EIF4G3: variants seen among roughly 807,000 people sequenced by gnomAD.
EIF4G3 encodes the protein eIF-4-gamma 3.
A neutral mutation model predicts 186.4 loss-of-function variants in EIF4G3; 34 were observed. The ratio of observed to expected loss-of-function variants is 0.18; its 90% CI spans 0.14 to 0.24. The LOEUF (loss-of-function observed/expected upper bound fraction) is 0.24. Among genes scored for constraint, EIF4G3 ranks in the 10% least tolerant of loss-of-function variants. EIF4G3 has a pLI of 1.00. For missense variants in EIF4G3, 1,536 were observed against 1,948.5 expected (o/e 0.79, Z 3.99); for synonymous variants, 673 against 679.5 (o/e 0.99, Z 0.15).
intron 2 of EIF4G3, among the ~76,000 whole-genome samples, chr1:21,129,466 A>T (rs558284241): frequency 2.0e-5 from 3 of 152,260 alleles, no homozygotes; most frequent in African/African-American, 7.2e-5. Context: ...CCACATGAGC[A>T]AGACCTTTAC....
intron 10 of EIF4G3, among the ~76,000 whole-genome samples, chr1:20,979,988 T>C (rs1334494023): frequency 1.3e-5 from 2 of 152,116 alleles, no homozygotes; most frequent in African/African-American, 4.8e-5. Flanking sequence ...CTCGCCCGCC[T>C]CGGCCTCCTA....
intron 6 of EIF4G3, 132 bp downstream of exon 6, chr1:21,001,067 G>A: frequency 2.6e-6 from 1 of 391,650 alleles, no homozygotes; most frequent in Non-Finnish European, 5.3e-6. Context: ...AAACTGCCAT[G>A]CTAGGTTAGA....
At chr1:20,850,120 G>A (rs912280717) in intron 28 of EIF4G3, among the ~76,000 whole-genome samples, 1 of 152,056 alleles carries the variant, frequency 6.6e-6, no homozygotes, top group Non-Finnish European at 1.5e-5. Context: ...TTCCTTCATA[G>A]CACCTTTCTC....
chr1:21,019,752 C>T (rs2090199745), intron 4 of EIF4G3, among the ~76,000 whole-genome samples: 1 of 152,072 alleles, frequency 6.6e-6, no homozygotes, highest in South Asian at 2.1e-4. Context: ...GGCGTGGTGG[C>T]ACATGCCTGT....
chr1:20,845,049 C>T (rs1006199239), intron 29 of EIF4G3, among the ~76,000 whole-genome samples: 3 of 152,002 alleles, frequency 2.0e-5, no homozygotes, highest in Admixed American at 6.6e-5. Flanking sequence ...TTTGCCTGTG[C>T]CTATGTCCTG....
intron 3 of EIF4G3, among the ~76,000 whole-genome samples, chr1:21,080,594 C>T (rs1477798989): frequency 6.6e-6 from 1 of 152,146 alleles, no homozygotes; most frequent in Non-Finnish European, 1.5e-5. Flanking sequence ...ACCGCAACCT[C>T]TGCCTCCGGG....
At chr1:20,926,586 G>C (rs1333597397) in intron 14 of EIF4G3, among the ~76,000 whole-genome samples, 1 of 151,614 alleles carries the variant, frequency 6.6e-6, no homozygotes, top group Non-Finnish European at 1.5e-5. Context: ...TGGGAAGACT[G>C]AGACCAGGAG....
intron 3 of EIF4G3, among the ~76,000 whole-genome samples, chr1:21,075,570 C>CAAAAAAAAAAAAA (rs55649192): frequency 2.1e-4 from 11 of 51,554 alleles, no homozygotes; most frequent in Admixed American, 1.2e-3. Flanking sequence ...CTCCAACTCA[C>CAAAAAAAAAAAAA]AAAAAAAAAA....
intron 10 of EIF4G3, among the ~76,000 whole-genome samples, chr1:20,974,160 A>T (rs1353118428): frequency 6.6e-6 from 1 of 152,214 alleles, no homozygotes; most frequent in Non-Finnish European, 1.5e-5. Context: ...TCAAATACAG[A>T]TCAAGTAGTT....
chr1:20,918,427 C>T (rs1214260737), intron 14 of EIF4G3, among the ~76,000 whole-genome samples: 2 of 151,650 alleles, frequency 1.3e-5, no homozygotes, highest in Non-Finnish European at 2.9e-5. Context: ...AGGCTGGTCT[C>T]GAACTCCTGG....
chr1:21,150,984 CAAAT>C (rs1383456029), intron 2 of EIF4G3, among the ~76,000 whole-genome samples: 1 of 152,026 alleles, frequency 6.6e-6, no homozygotes, highest in Non-Finnish European at 1.5e-5. Flanking sequence ...TCTAAATAAA[CAAAT>C]AAATAAAGTG....
At chr1:20,939,195 T>A (rs1343044412) in intron 14 of EIF4G3, among the ~76,000 whole-genome samples, 2 of 150,768 alleles carry the variant, frequency 1.3e-5, no homozygotes, top group African/African-American at 4.9e-5. Flanking sequence ...ACTATTAAGA[T>A]GTACAAGGAA....
chr1:20,811,275 C>A (rs10916866), intron 35 of EIF4G3, among the ~76,000 whole-genome samples: 78,987 of 151,270 alleles, frequency 0.52, 21,666 homozygotes, highest in East Asian at 0.83. Flanking sequence ...TCTTCTTCTT[C>A]TATTTTAGAT....
chr1:20,880,733 AGAGT>A (rs1174376283), intron 19 of EIF4G3, among the ~76,000 whole-genome samples: 3 of 152,242 alleles, frequency 2.0e-5, no homozygotes, highest in Admixed American at 6.5e-5. Context: ...CTTGCGCAAC[AGAGT>A]GAGACTCTGT....
chr1:20,934,951 A>G (rs1159035160), intron 14 of EIF4G3, among the ~76,000 whole-genome samples: 4 of 152,104 alleles, frequency 2.6e-5, no homozygotes, highest in Non-Finnish European at 1.5e-5. Context: ...ACAGCACTTA[A>G]AACTTCCTAA....
intron 14 of EIF4G3, among the ~76,000 whole-genome samples, chr1:20,911,411 A>C (rs1372057790): frequency 2.6e-5 from 4 of 151,840 alleles, no homozygotes; most frequent in Admixed American, 2.6e-4. Flanking sequence ...AAAAATTAAA[A>C]AATTAGCCAG....
intron 35 of EIF4G3, among the ~76,000 whole-genome samples, 179 bp from the exon 36 acceptor site, chr1:20,811,063 T>C (rs1443086740): frequency 1.3e-5 from 2 of 152,100 alleles, no homozygotes; most frequent in African/African-American, 2.4e-5. Flanking sequence ...TATTCTCCTG[T>C]CTCAGCCTCC....
At chr1:20,879,945 G>T (rs10916893) in intron 19 of EIF4G3, among the ~76,000 whole-genome samples, 3,364 of 151,702 alleles carry the variant, frequency 0.022, 112 homozygotes, top group African/African-American at 0.075. Flanking sequence ...ATAGAAATTT[G>T]TCTAAATTAT....
chr1:20,817,576 A>G (rs755813721), intron 33 of EIF4G3, 38 bp from the exon 34 acceptor site: 10 of 1,358,236 alleles, frequency 7.4e-6, no homozygotes, highest in Non-Finnish European at 9.8e-6. Flanking sequence ...ATATATTAAT[A>G]TAATTCTATG....
Sources: allele counts gnomAD v4.1 joint callset (sites outside exome capture counted in the v4.1 genomes callset), GRCh38; gene constraint gnomAD v4.1.1; transcripts MANE v1.5; gene names NCBI Gene and HGNC (gene_info 2026-07-23, HGNC 2026-07-21).